Variants in LANCL3 observed in about 807,000 individuals in gnomAD.
LANCL3 encodes the protein LanC like family member 3.
In LANCL3, 19 loss-of-function variants were observed where a neutral mutation model predicts 26.5. The ratio of observed to expected loss-of-function variants is 0.72; its 90% CI spans 0.50 to 1.05. LANCL3 has a LOEUF of 1.05. Ranked by LOEUF, LANCL3 falls within the 50% of genes least tolerant of loss-of-function variation. The pLI is 0.00. For synonymous variants in LANCL3, 160 were observed against 166.6 expected (o/e 0.96, Z 0.30); for missense variants, 318 against 362.7 (o/e 0.88, Z 1.00).
intron 1 of LANCL3, among the ~76,000 whole-genome samples, chrX:37,599,618 A>G (rs782519569): frequency 8.9e-6 from 1 of 112,124 alleles, no homozygotes; most frequent in African/African-American, 3.2e-5. Flanking sequence ...GATCACTCTT[A>G]GTGAAGTTAG....
intron 3 of LANCL3, among the ~76,000 whole-genome samples, chrX:37,661,015 GA>G (rs1176503268): frequency 1.9e-5 from 2 of 106,395 alleles, no homozygotes; most frequent in Admixed American, 2.0e-4. Flanking sequence ...GGCGGGGGGG[GA>G]ACAAGTTATT....
intron 2 of LANCL3, among the ~76,000 whole-genome samples, chrX:37,658,914 T>C (rs1926350001): frequency 1.8e-5 from 2 of 112,763 alleles, no homozygotes; most frequent in African/African-American, 3.2e-5. Context: ...CTATCCTCTG[T>C]ACCTAGAACA....
At chrX:37,635,036 A>C (rs1443910452) in intron 1 of LANCL3, among the ~76,000 whole-genome samples, 1 of 111,389 alleles carries the variant, frequency 9.0e-6, no homozygotes, top group East Asian at 2.8e-4. Flanking sequence ...TTAAAAAAAA[A>C]AGAGCGACAT....
chrX:37,624,868 C>T (rs782019284), intron 1 of LANCL3, among the ~76,000 whole-genome samples: 11 of 111,902 alleles, frequency 9.8e-5, no homozygotes, highest in African/African-American at 3.6e-4. Context: ...GTCAACACTG[C>T]TCCTGGCCTT....
At position 37,683,767 on chromosome X, in the gene LANCL3, T is replaced by A. The variant is rs1926993029; in HGVS notation, c.*7954T>A. 2 of 111,741 alleles carry A rather than the reference T, an allele frequency of 1.8e-5. No homozygotes were observed. The highest frequency in any genetic ancestry group is 3.8e-5 in the Non-Finnish European group (2 of 53,143). 9.2% of individuals were successfully genotyped at this position (111,741 alleles called of 1,213,427 possible). ...ACTGTATTTTATAATAAAACCAAAT[T>A]CTCAAGTATTCTGGTATGTTACATA... On this transcript the variant is annotated 3_prime_UTR_variant, in exon 5 of 5. Transcript: ENST00000378619.
intron 1 of LANCL3, among the ~76,000 whole-genome samples, chrX:37,587,468 T>C (rs1342537195): frequency 8.9e-6 from 1 of 112,930 alleles, no homozygotes; most frequent in East Asian, 2.8e-4. Flanking sequence ...CTGGCCACTT[T>C]GTTTACCTCC....
At chrX:37,598,899 TG>T (rs1924508526) in intron 1 of LANCL3, among the ~76,000 whole-genome samples, 1 of 112,537 alleles carries the variant, frequency 8.9e-6, no homozygotes, top group African/African-American at 3.2e-5. Context: ...TTGATGCACA[TG>T]CACAGACCAC....
At chrX:37,579,611 C>T (rs1377897562) in intron 1 of LANCL3, among the ~76,000 whole-genome samples, 3 of 111,188 alleles carry the variant, frequency 2.7e-5, no homozygotes, top group Non-Finnish European at 5.7e-5. Context: ...TTTTGGACCC[C>T]GGATGTCTGC....
chrX:37,594,578 T>G (rs782446965), intron 1 of LANCL3, among the ~76,000 whole-genome samples: 1 of 112,369 alleles, frequency 8.9e-6, no homozygotes, highest in Non-Finnish European at 1.9e-5. Context: ...AGTCCAGAAC[T>G]CAAATTCTTC....
chrX:37,596,538 G>A (rs1924434359), intron 1 of LANCL3, among the ~76,000 whole-genome samples: 1 of 112,040 alleles, frequency 8.9e-6, no homozygotes, highest in Non-Finnish European at 1.9e-5. Context: ...CAGGCCAAAG[G>A]TAGTACTTTC....
chrX:37,623,892 T>G (rs1487499990), intron 1 of LANCL3, among the ~76,000 whole-genome samples: 3 of 111,594 alleles, frequency 2.7e-5, no homozygotes, highest in African/African-American at 9.9e-5. Flanking sequence ...ATATAACCTG[T>G]TTTTTATTTG....
intron 2 of LANCL3, among the ~76,000 whole-genome samples, chrX:37,656,781 AC>A (rs1406950061): frequency 3.6e-5 from 4 of 112,419 alleles, no homozygotes; most frequent in East Asian, 2.8e-4. Context: ...TTAGACCTTC[AC>A]CACAGAGCTT....
intron 1 of LANCL3, among the ~76,000 whole-genome samples, chrX:37,608,162 A>C (rs1924768217): frequency 8.9e-6 from 1 of 112,210 alleles, no homozygotes; most frequent in African/African-American, 3.2e-5. Flanking sequence ...AGAAAACCAA[A>C]GTCCAGAGAG....
intron 1 of LANCL3, among the ~76,000 whole-genome samples, chrX:37,654,366 T>C (rs1439051883): frequency 8.9e-6 from 1 of 112,456 alleles, no homozygotes; most frequent in Non-Finnish European, 1.9e-5. Context: ...GGTAGGAAAA[T>C]TAAATGTGTC....
At chrX:37,654,641 C>A (rs782668040) in intron 1 of LANCL3, among the ~76,000 whole-genome samples, 47 of 110,965 alleles carry the variant, frequency 4.2e-4, no homozygotes, top group Non-Finnish European at 8.3e-4. Context: ...AAGAGAGGGA[C>A]GGAGGAAGCG....
At chrX:37,595,671 A>G (rs1347650335) in intron 1 of LANCL3, among the ~76,000 whole-genome samples, 1 of 112,451 alleles carries the variant, frequency 8.9e-6, no homozygotes, top group Non-Finnish European at 1.9e-5. Context: ...TCCTAGTACA[A>G]TACCTGACAT....
rs904124033 is a variant in LANCL3, at chrX:37,614,225, C to G, written c.574-41463C>G. Among the ~76,000 whole-genome samples the G allele has an allele frequency of 2.7e-5, 3 of 111,633 alleles. No individual in the cohort carries two copies. The Admixed American group carries it at 2.9e-4, about 11-fold the overall frequency. On this transcript the variant is annotated intron_variant, in intron 1 of 4. Transcript: ENST00000378619. Reference sequence around the variant, plus strand: ...TAATGTGTTTTATAGCCATGATTCTCAATCATGGCTGCACATTATAATCAC... The same window carrying G: ...TAATGTGTTTTATAGCCATGATTCTGAATCATGGCTGCACATTATAATCAC...
chrX:37,609,227 C>T (rs1556420841), intron 1 of LANCL3, among the ~76,000 whole-genome samples: 1 of 111,823 alleles, frequency 8.9e-6, no homozygotes, highest in Non-Finnish European at 1.9e-5. Flanking sequence ...CCATATTTGC[C>T]TACTTAGATG....
At chrX:37,600,850 G>T (rs1036076470) in intron 1 of LANCL3, among the ~76,000 whole-genome samples, 1 of 111,338 alleles carries the variant, frequency 9.0e-6, no homozygotes, top group Non-Finnish European at 1.9e-5. Context: ...CCCTGCTTTT[G>T]TAAGGTCGCC....
Sources: allele counts gnomAD v4.1 joint callset (sites outside exome capture counted in the v4.1 genomes callset), GRCh38; gene constraint gnomAD v4.1.1; transcripts MANE v1.5; gene names NCBI Gene and HGNC (gene_info 2026-07-23, HGNC 2026-07-21).